Variants in PHF24 observed in about 807,000 individuals in gnomAD.
PHF24 encodes the protein Galpha inhibitory interacting protein.
A neutral mutation model predicts 42.6 loss-of-function variants in PHF24; 25 were observed. That is an observed-to-expected ratio of 0.59 (90% CI 0.43 to 0.82). The LOEUF is 0.82. Among genes scored for constraint, PHF24 ranks in the 40% least tolerant of loss-of-function variants. PHF24 has a pLI of 0.00. For synonymous variants in PHF24, 185 were observed against 204.8 expected, an observed-to-expected ratio of 0.90 and a Z score of 0.83; for missense variants, 470 against 538.1, an observed-to-expected ratio of 0.87 and a Z score of 1.25.
chr9:34,792,729 T>A, the PHF24 span, among the ~76,000 whole-genome samples: 156 of 152,328 alleles, frequency 1.0e-3, 2 homozygotes, highest in East Asian at 9.1e-3. Context: ...ACATTCATCT[T>A]ACTTTCTGTG....
intron 1 of PHF24, among the ~76,000 whole-genome samples, chr9:34,965,926 AT>A (rs1826752700): frequency 6.6e-6 from 1 of 152,040 alleles, no homozygotes; most frequent in Non-Finnish European, 1.5e-5. Context: ...TTTCTCAACT[AT>A]TTTTTTCCAG....
the PHF24 span, among the ~76,000 whole-genome samples, chr9:34,691,789 G>C: frequency 6.6e-6 from 1 of 152,156 alleles, no homozygotes; most frequent in African/African-American, 2.4e-5. Flanking sequence ...GGGGCAAGCA[G>C]AGCTGAAAGG....
At chr9:34,808,089 A>G in the PHF24 span, among the ~76,000 whole-genome samples, 1 of 152,222 alleles carries the variant, frequency 6.6e-6, no homozygotes, top group Admixed American at 6.5e-5. Flanking sequence ...TGGAGGCAGT[A>G]CAGTCAACCT....
At chr9:34,854,656 T>G in the PHF24 span, among the ~76,000 whole-genome samples, 1 of 152,230 alleles carries the variant, frequency 6.6e-6, no homozygotes, top group African/African-American at 2.4e-5. Flanking sequence ...TGTTATTATG[T>G]CAGTTATTTT....
Position 34,976,136 on chromosome 9 carries a change from TCTTC to T in PHF24, c.565-12_565-9del. 6.2e-7 allele frequency: 1 copy of T among 1,607,210 alleles called. No individual in the cohort carries two copies. The highest frequency in any genetic ancestry group is 8.5e-7 in the Non-Finnish European group (1 of 1,173,758). On this transcript the variant is annotated splice_polypyrimidine_tract_variant and intron_variant, in intron 3 of 7. Transcript: ENST00000242315. ...TGGCCTGTATGGCCACCGACTCAGC[TCTTC>T]CTTATTTTCAGGACAACATCAACTT... is the stretch of plus-strand genomic sequence containing the variant.
At chr9:34,918,213 G>T in the PHF24 span, 1 of 1,481,856 alleles carries the variant, frequency 6.7e-7, no homozygotes, top group South Asian at 1.1e-5. Context: ...TGCCAACTGT[G>T]ACCCCTTTTC....
At position 34,970,786 on chromosome 9, in the gene PHF24, A is replaced by C. The variant is rs565266258; in HGVS notation, c.-4-509A>C. 3.3e-5 allele frequency among the ~76,000 whole-genome samples: 5 copies of C among 152,216 alleles called. No homozygotes were observed. The South Asian group carries it at 8.3e-4, about 25-fold the overall frequency. On this transcript the variant is annotated intron_variant, in intron 1 of 7. Coordinates refer to ENST00000242315, the Ensembl canonical transcript of PHF24. Reference sequence around the variant, plus strand: ...ACCCCTGGACTAAATTGGTTTTAGGACAGGAAGGGAGACAGAGATATCATT... The same window carrying C: ...ACCCCTGGACTAAATTGGTTTTAGGCCAGGAAGGGAGACAGAGATATCATT...
At chr9:34,902,018 A>C in the PHF24 span, among the ~76,000 whole-genome samples, 2 of 152,216 alleles carry the variant, frequency 1.3e-5, no homozygotes, top group Non-Finnish European at 2.9e-5. Context: ...AATTTTCCCT[A>C]GTAAAAAGAT....
At chr9:34,826,620 G>C in the PHF24 span, among the ~76,000 whole-genome samples, 6 of 152,256 alleles carry the variant, frequency 3.9e-5, no homozygotes, top group African/African-American at 9.6e-5. Flanking sequence ...AAGTGATGTT[G>C]TGGAGAAGCC....
At chr9:34,903,806 A>G in the PHF24 span, among the ~76,000 whole-genome samples, 1 of 152,166 alleles carries the variant, frequency 6.6e-6, no homozygotes, top group African/African-American at 2.4e-5. Flanking sequence ...CTACCCATCC[A>G]TGAGATTGAT....
chr9:34,677,435 C>T, the PHF24 span, among the ~76,000 whole-genome samples: 12 of 110,304 alleles, frequency 1.1e-4, no homozygotes, highest in East Asian at 2.6e-4. Flanking sequence ...CTCGCTCTGT[C>T]GCCCAGGCTG....
At chr9:34,767,989 C>G in the PHF24 span, among the ~76,000 whole-genome samples, 19 of 152,184 alleles carry the variant, frequency 1.2e-4, no homozygotes, top group Non-Finnish European at 2.5e-4. Context: ...ATATGCTTAC[C>G]TTGTACTCAC....
At chr9:34,751,911 T>C in the PHF24 span, among the ~76,000 whole-genome samples, 2 of 152,086 alleles carry the variant, frequency 1.3e-5, no homozygotes, top group Non-Finnish European at 2.9e-5. Flanking sequence ...TTGGAAATTA[T>C]ATAAACAGAT....
the PHF24 span, among the ~76,000 whole-genome samples, chr9:34,703,450 T>C: frequency 3.9e-5 from 6 of 152,140 alleles, no homozygotes. Flanking sequence ...ATTACAGGCA[T>C]GAGCCACTGC....
chr9:34,710,386 A>G, the PHF24 span, among the ~76,000 whole-genome samples: 14 of 151,380 alleles, frequency 9.2e-5, no homozygotes, highest in Admixed American at 2.6e-4. Context: ...CTGGAACACC[A>G]TGACTGTCTC....
At chr9:34,770,866 C>G in the PHF24 span, among the ~76,000 whole-genome samples, 1 of 152,104 alleles carries the variant, frequency 6.6e-6, no homozygotes, top group Non-Finnish European at 1.5e-5. Flanking sequence ...ATAATCCCAG[C>G]ACTTTGGGAG....
At chr9:34,738,300 C>A in the PHF24 span, among the ~76,000 whole-genome samples, 6 of 152,108 alleles carry the variant, frequency 3.9e-5, no homozygotes, top group Admixed American at 3.3e-4. Flanking sequence ...CAATAGATAT[C>A]AAAGCAATTG....
the PHF24 span, among the ~76,000 whole-genome samples, chr9:34,770,733 G>A: frequency 6.6e-6 from 1 of 151,388 alleles, no homozygotes; most frequent in African/African-American, 2.5e-5. Context: ...AAAGGGAAGA[G>A]GGCAACACTT....
At chr9:34,709,778 G>A in the PHF24 span, 1 of 1,614,100 alleles carries the variant, frequency 6.2e-7, no homozygotes, top group Non-Finnish European at 8.5e-7. Flanking sequence ...TCCACTCACA[G>A]GATAGCTGGG....
Sources: gnomAD v4.1 joint callset for allele counts (sites outside exome capture counted in the v4.1 genomes callset) on GRCh38, gnomAD v4.1.1 for gene constraint, MANE v1.5 for transcripts, NCBI Gene and HGNC (gene_info 2026-07-23, HGNC 2026-07-21) for gene names.